CHRNB3: variants seen among roughly 807,000 people sequenced by gnomAD.
CHRNB3 encodes the protein neuronal acetylcholine receptor subunit beta-3.
CHRNB3 carries 37 observed loss-of-function variants against 40.6 expected under a neutral mutation model. The observed-to-expected ratio is 0.91, with a 90% confidence interval of 0.70 to 1.20. The LOEUF is 1.20. Among genes scored for constraint, CHRNB3 ranks in the 50% most tolerant of loss-of-function variants. The pLI, the probability that CHRNB3 is intolerant of heterozygous loss-of-function variation, is 0.00. For missense variants in CHRNB3, 505 were observed against 551.2 expected, an observed-to-expected ratio of 0.92 and a Z score of 0.84; for synonymous variants, 207 against 207.1, an observed-to-expected ratio of 1.00 and a Z score of 0.00.
chr8:42,713,892 G>C (rs1475298999), intron 3 of CHRNB3, among the ~76,000 whole-genome samples: 1 of 152,066 alleles, frequency 6.6e-6, no homozygotes, highest in Non-Finnish European at 1.5e-5. Context: ...GATCTTTCTG[G>C]CCATATGCAG....
intron 4 of CHRNB3, among the ~76,000 whole-genome samples, chr8:42,731,109 A>G (rs1430047365): frequency 6.6e-6 from 1 of 151,964 alleles, no homozygotes; most frequent in African/African-American, 2.4e-5. Flanking sequence ...AAAGTGAAAA[A>G]AAGGAAAGTA....
intron 3 of CHRNB3, among the ~76,000 whole-genome samples, chr8:42,719,638 C>A (rs187612124): frequency 4.6e-5 from 7 of 152,218 alleles, no homozygotes; most frequent in Admixed American, 4.6e-4. Flanking sequence ...CAGAGTGAGA[C>A]CCTGTCTAAA....
At chr8:42,729,036 GA>G (rs1816355492) in intron 3 of CHRNB3, among the ~76,000 whole-genome samples, 3 of 152,164 alleles carry the variant, frequency 2.0e-5, no homozygotes, top group Admixed American at 2.0e-4. Context: ...AGAAGCCCAT[GA>G]GCACCAAGTA....
intron 1 of CHRNB3, among the ~76,000 whole-genome samples, chr8:42,700,355 G>A (rs1815769309): frequency 6.6e-6 from 1 of 151,606 alleles, no homozygotes; most frequent in Non-Finnish European, 1.5e-5. Context: ...ACGGAATCTC[G>A]CTCTGTCACC....
intron 1 of CHRNB3, among the ~76,000 whole-genome samples, chr8:42,698,435 T>C (rs117429573): frequency 2.0e-5 from 3 of 152,330 alleles, no homozygotes; most frequent in Non-Finnish European, 4.4e-5. Flanking sequence ...AATTTCTCAG[T>C]AGTATTTTTG....
At chr8:42,719,684 G>A (rs903709428) in intron 3 of CHRNB3, among the ~76,000 whole-genome samples, 1 of 152,070 alleles carries the variant, frequency 6.6e-6, no homozygotes, top group Non-Finnish European at 1.5e-5. Context: ...CCCTCTGATG[G>A]GAATCTCAGG....
At chr8:42,698,700 A>G (rs189367337) in intron 1 of CHRNB3, among the ~76,000 whole-genome samples, 1 of 152,352 alleles carries the variant, frequency 6.6e-6, no homozygotes, top group East Asian at 1.9e-4. Context: ...CAGTTTGCCA[A>G]TCACAAAAAT....
rs534904091 is a variant in CHRNB3 at position 42,731,858 on chromosome 8, T to G, written c.551T>G (p.Ile184Ser). Reference sequence around the variant, plus strand: ...TATGATGGCACCATGGTTGACCTCATTTTGATCAATGAAAATGTCGACAGA... The same window carrying G: ...TATGATGGCACCATGGTTGACCTCAGTTTGATCAATGAAAATGTCGACAGA... ...WTYDGTMVDL[I>S]LINENVDRKD... Residue 184 changes from isoleucine (I) to serine (S), a missense_variant, in exon 5 of 6, where the codon ATT becomes AGT. Transcript: ENST00000289957. 3.5e-5 allele frequency: 56 copies of G among 1,614,144 alleles called. 1 individual carries two copies. The highest frequency in any genetic ancestry group is 3.3e-4 in the Middle Eastern group (2 of 6,062).
chr8:42,730,528 TGAA>T, intron 3 of CHRNB3, 63 bp from the exon 4 acceptor site: 1 of 1,012,300 alleles, frequency 9.9e-7, no homozygotes, highest in Non-Finnish European at 1.5e-6. Flanking sequence ...AACAGAAACT[TGAA>T]GATTTCAAGA....
Position 42,725,553 on chromosome 8 carries a change from C to T in CHRNB3, c.250-5041C>T, listed in dbSNP as rs902904329. On this transcript the variant is annotated intron_variant, in intron 3 of 5. Coordinates refer to ENST00000289957, the MANE Select transcript of CHRNB3 (RefSeq NM_000749.5). The stretch of plus-strand genomic sequence containing the variant: ...AGTTTGGCACCTGGGTCTAGTTCAG[C>T]TGGCAGATGAGCTGATTGATGCATT... 6.2e-5 allele frequency: 51 copies of T among 817,176 alleles called. No individual in the cohort carries two copies. The African/African-American group carries it at 8.1e-4, about 13-fold the overall frequency. 50.6% of individuals were successfully genotyped at this position (817,176 alleles called of 1,614,324 possible).
In CHRNB3 at chr8:42,710,857, C is replaced by T. The variant is rs538070760; in HGVS notation, c.249+423C>T. ...CTGTGGGTAGAATCTACCTCTAATA[C>T]CTCTTGTTGCTTCCAAGGAAGAACT... On this transcript the variant is annotated intron_variant, in intron 3 of 5. Transcript: ENST00000289957. Among the ~76,000 whole-genome samples the T allele has an allele frequency of 2.6e-5, 4 of 152,304 alleles. No individual in the cohort carries two copies. In the South Asian group the frequency reaches 6.2e-4, roughly 24 times the overall value.
At chr8:42,716,538 G>A (rs1012932940) in intron 3 of CHRNB3, among the ~76,000 whole-genome samples, 2 of 152,050 alleles carry the variant, frequency 1.3e-5, no homozygotes, top group Non-Finnish European at 2.9e-5. Flanking sequence ...GTGCGCCCAG[G>A]CTAGGGCTGC....
At chr8:42,714,513 AC>A (rs1318159082) in intron 3 of CHRNB3, among the ~76,000 whole-genome samples, 3 of 151,696 alleles carry the variant, frequency 2.0e-5, no homozygotes, top group African/African-American at 7.3e-5. Context: ...ACAAAACAAA[AC>A]TTTTTAAAGC....
intron 3 of CHRNB3, among the ~76,000 whole-genome samples, chr8:42,724,066 A>T (rs1003144234): frequency 1.3e-5 from 2 of 151,860 alleles, no homozygotes; most frequent in Admixed American, 6.6e-5. Context: ...AGCCTGGGCA[A>T]CAAGAGCGAA....
chr8:42,710,557 A>G (rs1563608783), intron 3 of CHRNB3, 123 bp downstream of exon 3: 1 of 766,750 alleles, frequency 1.3e-6, no homozygotes, highest in Non-Finnish European at 2.1e-6. Context: ...GATTTGTGGG[A>G]AGGGTCTATG....
intron 4 of CHRNB3, 106 bp from the exon 5 acceptor site, chr8:42,731,561 G>C: frequency 1.6e-6 from 2 of 1,237,680 alleles, no homozygotes; most frequent in Non-Finnish European, 2.2e-6. Context: ...TCTCAAAAAA[G>C]AAAAGAAAAG....
At chr8:42,713,800 G>A (rs1255199852) in intron 3 of CHRNB3, among the ~76,000 whole-genome samples, 2 of 152,126 alleles carry the variant, frequency 1.3e-5, no homozygotes, top group African/African-American at 2.4e-5. Context: ...TAGGAAAAGA[G>A]ACATCATTAC....
chr8:42,698,275 G>C (rs571398729), intron 1 of CHRNB3, among the ~76,000 whole-genome samples: 4 of 152,270 alleles, frequency 2.6e-5, no homozygotes, highest in African/African-American at 4.8e-5. Context: ...TTGGGGATTG[G>C]TCATTTGCAC....
intron 3 of CHRNB3, among the ~76,000 whole-genome samples, chr8:42,718,169 A>G (rs1816152362): frequency 6.6e-6 from 1 of 151,714 alleles, no homozygotes; most frequent in Admixed American, 6.6e-5. Flanking sequence ...GGCCTTAACA[A>G]CTCATGAATT....
Sources: gnomAD v4.1 joint callset for allele counts (sites outside exome capture counted in the v4.1 genomes callset) on GRCh38, gnomAD v4.1.1 for gene constraint, MANE v1.5 for transcripts, NCBI Gene and HGNC (gene_info 2026-07-23, HGNC 2026-07-21) for gene names.